TRAPPC9: variants seen among roughly 807,000 people sequenced by gnomAD.
The protein encoded by TRAPPC9 is trafficking protein particle complex subunit 9.
TRAPPC9 carries 83 observed loss-of-function variants against 124.0 expected under a neutral mutation model. The observed-to-expected ratio is 0.67, with a 90% CI of 0.56 to 0.80. The LOEUF (loss-of-function observed/expected upper bound fraction) is 0.80. Ranked by LOEUF, TRAPPC9 falls within the 30% of genes least tolerant of loss-of-function variation. TRAPPC9 has a pLI of 0.00. For synonymous variants in TRAPPC9, 638 were observed against 617.5 expected (o/e 1.03, Z -0.49); for missense variants, 1,302 against 1,508.3 (o/e 0.86, Z 2.27).
chr8:139,975,760 G>C (rs532313771), intron 19 of TRAPPC9, among the ~76,000 whole-genome samples: 1 of 152,046 alleles, frequency 6.6e-6, no homozygotes, highest in South Asian at 2.1e-4. Context: ...AGCTGCCCTG[G>C]CTGTGCCAAC....
intron 17 of TRAPPC9, among the ~76,000 whole-genome samples, chr8:140,073,269 C>T (rs901353842): frequency 9.2e-5 from 14 of 152,132 alleles, no homozygotes; most frequent in Admixed American, 2.0e-4. Context: ...GAAAAATGTT[C>T]ATAACAGCTT....
At chr8:140,230,311 GAAAA>G in intron 16 of TRAPPC9, among the ~76,000 whole-genome samples, 1 of 151,970 alleles carries the variant, frequency 6.6e-6, no homozygotes, top group East Asian at 1.9e-4. Context: ...AGATGGTTAA[GAAAA>G]AAAAGAAGTA....
chr8:139,734,790 C>G lies in TRAPPC9; in HGVS notation c.3056-2588G>C, dbSNP rs561235574. On this transcript the variant is annotated intron_variant, in intron 21 of 22. Transcript: ENST00000438773. ...CCAAGCCTCTGCATGACACAGCACT[C>G]AACAGGTGCCCACTATAGGGCCCAG... Among the ~76,000 whole-genome samples, 3 of 152,376 alleles carry G rather than the reference C, an allele frequency of 2.0e-5. No individual in the cohort carries two copies. In the South Asian group the frequency reaches 6.2e-4, roughly 32 times the overall value.
intron 20 of TRAPPC9, among the ~76,000 whole-genome samples, chr8:139,895,892 C>G (rs181050224): frequency 1.3e-5 from 2 of 152,364 alleles, no homozygotes; most frequent in Admixed American, 6.5e-5. Flanking sequence ...CAGGCAGCAG[C>G]CCCGTGCCTG....
chr8:140,096,309 A>G (rs921469724), intron 17 of TRAPPC9: 7 of 152,256 alleles, frequency 4.6e-5, no homozygotes, highest in Admixed American at 3.9e-4. Context: ...TTGTAAAAAC[A>G]TTAGATTTTA....
chr8:139,893,780 C>T (rs1281791657), intron 20 of TRAPPC9, among the ~76,000 whole-genome samples: 6 of 152,312 alleles, frequency 3.9e-5, no homozygotes, highest in Middle Eastern at 3.4e-3. Context: ...GGCACAAAGT[C>T]GGCACACACA....
At chr8:139,910,372 C>T in intron 19 of TRAPPC9, 72 bp from the exon 20 acceptor site, 3 of 1,449,966 alleles carry the variant, frequency 2.1e-6, no homozygotes, top group African/African-American at 1.4e-5. Context: ...GGAGAATCAG[C>T]ACATGCCAGC....
intron 17 of TRAPPC9, among the ~76,000 whole-genome samples, chr8:140,195,024 TAA>T (rs1277606063): frequency 1.3e-5 from 2 of 151,460 alleles, no homozygotes; most frequent in Non-Finnish European, 2.9e-5. Flanking sequence ...CCTGTGACAC[TAA>T]AAGACACTCA....
intron 21 of TRAPPC9, among the ~76,000 whole-genome samples, chr8:139,870,083 C>A (rs2131027051): frequency 6.6e-6 from 1 of 152,276 alleles, no homozygotes; most frequent in South Asian, 2.1e-4. Context: ...AGAACGACTA[C>A]AAGGGTGGTG....
chr8:140,279,803 C>A (rs2065250071), intron 14 of TRAPPC9, among the ~76,000 whole-genome samples: 1 of 152,216 alleles, frequency 6.6e-6, no homozygotes, highest in Admixed American at 6.5e-5. Context: ...AGCTAGAGGA[C>A]CTGCTTTCTT....
chr8:139,801,130 C>A (rs904880816), intron 21 of TRAPPC9, among the ~76,000 whole-genome samples: 1 of 152,188 alleles, frequency 6.6e-6, no homozygotes, highest in South Asian at 2.1e-4. Flanking sequence ...TGTATCTTCC[C>A]TCCCACCAGC....
chr8:140,413,556 A>G (rs1296779312), intron 5 of TRAPPC9, among the ~76,000 whole-genome samples: 1 of 150,734 alleles, frequency 6.6e-6, no homozygotes, highest in Non-Finnish European at 1.5e-5. Context: ...CATGTGCACA[A>G]TGTGCAGGTT....
intron 21 of TRAPPC9, among the ~76,000 whole-genome samples, chr8:139,830,686 T>C (rs1024174762): frequency 1.3e-5 from 2 of 151,794 alleles, no homozygotes; most frequent in Non-Finnish European, 2.9e-5. Flanking sequence ...CACATACACA[T>C]GCATATACAC....
rs140091339 is a variant in TRAPPC9, at chr8:140,027,913, A to G, written c.2557-3834T>C. 4.8e-3 allele frequency among the ~76,000 whole-genome samples: 730 copies of G among 151,980 alleles called. 6 individuals carry two copies. The highest frequency in any genetic ancestry group is 0.017 in the African/African-American group (687 of 41,454). On this transcript the variant is annotated intron_variant, in intron 17 of 22. Coordinates refer to ENST00000438773, the MANE Select transcript of TRAPPC9 (RefSeq NM_001160372.4). ...TCATGAGAACAGCATGGGGGACACC[A>G]CCCCCATGATCCAATCACCTCCCAC...
At chr8:139,806,564 C>G (rs1824076693) in intron 21 of TRAPPC9, among the ~76,000 whole-genome samples, 1 of 152,204 alleles carries the variant, frequency 6.6e-6, no homozygotes, top group Non-Finnish European at 1.5e-5. Context: ...AAGGGTGTAC[C>G]TGAACCGGGA....
chr8:140,033,770 C>T (rs564175713), intron 17 of TRAPPC9, among the ~76,000 whole-genome samples: 86 of 143,320 alleles, frequency 6.0e-4, no homozygotes, highest in African/African-American at 2.2e-3. Context: ...CAACCTCCAC[C>T]TCCCTGGTTC....
intron 2 of TRAPPC9, among the ~76,000 whole-genome samples, chr8:140,440,498 C>T (rs1588360190): frequency 6.6e-6 from 1 of 151,402 alleles, no homozygotes; most frequent in Non-Finnish European, 1.5e-5. Context: ...CAGGGTGAGA[C>T]TCCCAAAAAA....
chr8:139,754,351 C>A (rs887946968), intron 21 of TRAPPC9, among the ~76,000 whole-genome samples: 3 of 152,238 alleles, frequency 2.0e-5, no homozygotes, highest in Admixed American at 1.3e-4. Flanking sequence ...GGGGCTCCCA[C>A]ATCTGCTCCC....
intron 17 of TRAPPC9, among the ~76,000 whole-genome samples, chr8:140,049,805 G>A (rs759823432): frequency 1.2e-4 from 19 of 152,146 alleles, no homozygotes; most frequent in Admixed American, 2.6e-4. Flanking sequence ...GTCTCCCGCC[G>A]AGTCCTCAAG....
Sources: allele counts gnomAD v4.1 joint callset (sites outside exome capture counted in the v4.1 genomes callset), GRCh38; gene constraint gnomAD v4.1.1; transcripts MANE v1.5; gene names NCBI Gene and HGNC (gene_info 2026-07-23, HGNC 2026-07-21).